The following STK32B variants were observed in gnomAD, a reference collection of about 807,000 sequenced individuals.
STK32B encodes the protein serine/threonine-protein kinase 32B.
STK32B carries 43 observed loss-of-function variants against 52.6 expected under a neutral mutation model. The observed-to-expected ratio is 0.82, with a 90% confidence interval of 0.64 to 1.05. STK32B has a LOEUF of 1.05. Ranked by LOEUF, STK32B falls within the 50% of genes least tolerant of loss-of-function variation. The pLI is 0.00. For missense variants in STK32B, 621 were observed against 534.6 expected (o/e 1.16, Z -1.59); for synonymous variants, 238 against 204.3 (o/e 1.17, Z -1.41).
At chr4:5,313,725 A>G (rs1730470420) in intron 3 of STK32B, among the ~76,000 whole-genome samples, 1 of 152,228 alleles carries the variant, frequency 6.6e-6, no homozygotes, top group Non-Finnish European at 1.5e-5. Context: ...AGATCAACCT[A>G]GAACTGTGAC....
At chr4:5,036,432 A>G in the STK32B span, among the ~76,000 whole-genome samples, 1 of 152,100 alleles carries the variant, frequency 6.6e-6, no homozygotes, top group Non-Finnish European at 1.5e-5. Context: ...GTCTCTCTGA[A>G]GTCAGAAAAT....
intron 1 of STK32B, among the ~76,000 whole-genome samples, chr4:5,101,663 A>G (rs964396736): frequency 6.6e-6 from 1 of 151,674 alleles, no homozygotes; most frequent in Non-Finnish European, 1.5e-5. Context: ...TTTCTTTGCT[A>G]TTTTTTTTAA....
At chr4:5,458,891 G>C (rs1716795170) in intron 8 of STK32B, 1 of 152,172 alleles carries the variant, frequency 6.6e-6, no homozygotes, top group African/African-American at 2.4e-5. Flanking sequence ...CCGTCACCTG[G>C]TTCTTATAAG....
At chr4:5,473,646 T>G (rs576664411) in intron 11 of STK32B, among the ~76,000 whole-genome samples, 8 of 152,264 alleles carry the variant, frequency 5.3e-5, no homozygotes, top group African/African-American at 1.4e-4. Flanking sequence ...TCACTCTCCC[T>G]GTAGACACCT....
chr4:5,138,826 AG>A (rs1716232696), intron 1 of STK32B, among the ~76,000 whole-genome samples: 1 of 152,156 alleles, frequency 6.6e-6, no homozygotes, highest in Admixed American at 6.5e-5. Context: ...CAAGGAGGAG[AG>A]CACTCAAGGC....
At position 5,051,784 on chromosome 4, in the gene STK32B, C is replaced by T; in HGVS notation, c.-80C>T. The T allele has an allele frequency of 6.5e-7, 1 of 1,542,544 alleles. No homozygotes were observed. Among genetic ancestry groups the T allele is most frequent in the Middle Eastern group, 1.7e-4 (1 of 5,948 alleles). On this transcript the variant is annotated 5_prime_UTR_variant, in exon 1 of 12. Coordinates refer to ENST00000282908, the MANE Select transcript of STK32B (RefSeq NM_018401.3). ...CCGGACTGGGCGCGCCCCCGGCATC[C>T]CGCATCTCTGCGCGCGTCCCACATC...
rs79810098 is a variant in STK32B, at chr4:5,400,501, C to G, written c.472+2257C>G. Among the ~76,000 whole-genome samples the G allele has an allele frequency of 0.011, 1,613 of 152,276 alleles. 21 individuals are homozygous for G. The highest frequency in any genetic ancestry group is 0.037 in the African/African-American group (1,537 of 41,548). ...ATCCAGTCTTCTCCCTCTCCAGCCTCCCATTTCATCGAAAAGTCTCTGCTA... is the reference window on the plus strand; with the variant it reads ...ATCCAGTCTTCTCCCTCTCCAGCCTGCCATTTCATCGAAAAGTCTCTGCTA... On this transcript the variant is annotated intron_variant, in intron 5 of 11. Coordinates refer to ENST00000282908, the MANE Select transcript of STK32B (RefSeq NM_018401.3). This position sits in a 1 kb window ranked among gnomAD's most constrained non-coding sequence, Gnocchi z 6.1.
At chr4:5,481,800 T>C (rs1718735844) in intron 11 of STK32B, among the ~76,000 whole-genome samples, 1 of 152,218 alleles carries the variant, frequency 6.6e-6, no homozygotes, top group Non-Finnish European at 1.5e-5. Flanking sequence ...GCTTTCTACA[T>C]ATGGCTAGCC....
At position 5,378,154 on chromosome 4, in the gene STK32B, G is replaced by A. The variant is rs374344544; in HGVS notation, c.435-20053G>A. ...CTGAAAAAGGAGTAACTGCCTCCCC[G>A]TCTGTCTGAGTGTTCATTCATGTCC... On this transcript the variant is annotated intron_variant, in intron 4 of 11. Transcript: ENST00000282908. This position sits in a 1 kb window ranked among gnomAD's most constrained non-coding sequence, Gnocchi z 4.4. Among the ~76,000 whole-genome samples, 4 of 152,190 alleles carry A rather than the reference G, an allele frequency of 2.6e-5. No homozygotes were observed. The East Asian group carries it at 7.7e-4, about 29-fold the overall frequency.
intron 1 of STK32B, among the ~76,000 whole-genome samples, chr4:5,081,708 A>C (rs748522144): frequency 2.4e-4 from 37 of 151,862 alleles, no homozygotes; most frequent in Non-Finnish European, 4.7e-4. Context: ...CATATTCTTC[A>C]GTTTCAGAAT....
At chr4:5,391,818 C>G (rs1199680525) in intron 4 of STK32B, among the ~76,000 whole-genome samples, 1 of 152,206 alleles carries the variant, frequency 6.6e-6, no homozygotes, top group Non-Finnish European at 1.5e-5. Flanking sequence ...AGAATGGCTC[C>G]CTCTGCCTCC....
intron 3 of STK32B, among the ~76,000 whole-genome samples, chr4:5,315,342 A>G (rs1424210369): frequency 6.6e-6 from 1 of 152,160 alleles, no homozygotes; most frequent in African/African-American, 2.4e-5. Context: ...AAACAAACAG[A>G]TCTGTATGTA....
intron 3 of STK32B, among the ~76,000 whole-genome samples, chr4:5,244,799 A>G (rs1725319993): frequency 6.6e-6 from 1 of 152,184 alleles, no homozygotes. Context: ...CTGGTTTCAA[A>G]GAACATCTTT....
At chr4:5,203,357 C>T (rs909983262) in intron 3 of STK32B, among the ~76,000 whole-genome samples, 3 of 151,208 alleles carry the variant, frequency 2.0e-5, no homozygotes, top group African/African-American at 7.3e-5. Flanking sequence ...AATTTTTGCC[C>T]ATTCTATTCC....
intron 1 of STK32B, among the ~76,000 whole-genome samples, chr4:5,053,520 C>T (rs1741871180): frequency 6.6e-6 from 1 of 152,118 alleles, no homozygotes; most frequent in Non-Finnish European, 1.5e-5. Context: ...GGAAATTTGC[C>T]ACCCTTATAT....
chr4:5,317,346 T>C (rs1440529003), intron 3 of STK32B, among the ~76,000 whole-genome samples: 12 of 41,178 alleles, frequency 2.9e-4, no homozygotes, highest in Non-Finnish European at 4.6e-4. Flanking sequence ...ATAATACATA[T>C]ATATAATATA....
intron 6 of STK32B, among the ~76,000 whole-genome samples, chr4:5,430,557 G>A (rs115618992): frequency 6.6e-6 from 1 of 152,146 alleles, no homozygotes; most frequent in East Asian, 1.9e-4. Context: ...GTATGATTCT[G>A]TTAATTTCTT....
At chr4:5,446,529 C>A in intron 6 of STK32B, 144 bp from the exon 7 acceptor site, 1 of 652,598 alleles carries the variant, frequency 1.5e-6, no homozygotes, top group Non-Finnish European at 2.6e-6. Flanking sequence ...TATGTGCCAG[C>A]CTGGGCAGCA....
intron 4 of STK32B, among the ~76,000 whole-genome samples, chr4:5,338,536 A>G (rs533619470): frequency 1.4e-4 from 22 of 152,230 alleles, no homozygotes; most frequent in African/African-American, 4.6e-4. Context: ...CTAGAGTGCA[A>G]TAGATAGATG....
Sources: gnomAD v4.1 joint callset for allele counts (sites outside exome capture counted in the v4.1 genomes callset) on GRCh38, gnomAD v4.1.1 for gene constraint, Gnocchi (gnomAD v3.1) non-coding constraint, MANE v1.5 for transcripts, NCBI Gene and HGNC (gene_info 2026-07-23, HGNC 2026-07-21) for gene names.